U2AF2: variants seen among roughly 807,000 people sequenced by gnomAD.
U2AF2 encodes the protein splicing factor U2AF 65 kDa subunit.
U2AF2 carries 6 observed loss-of-function variants against 52.6 expected under a neutral mutation model. The ratio of observed to expected loss-of-function variants is 0.11; its 90% CI spans 0.06 to 0.23. The LOEUF (loss-of-function observed/expected upper bound fraction) is 0.23, where lower values mean the gene tolerates loss of function less well. Ranked by LOEUF, U2AF2 falls within the 10% of genes least tolerant of loss-of-function variation. U2AF2 has a pLI of 1.00. For synonymous variants in U2AF2, 284 were observed against 258.2 expected (o/e 1.10, Z -0.96); for missense variants, 222 against 677.1 (o/e 0.33, Z 7.46).
At position 55,655,286 on chromosome 19, in the gene U2AF2, C is replaced by T. The variant is rs947537321; in HGVS notation, c.49+133C>T. 1.5e-5 allele frequency: 15 copies of T among 997,642 alleles called. No homozygotes were observed. In the African/African-American group the frequency reaches 2.3e-4, roughly 15 times the overall value. 61.8% of individuals were successfully genotyped at this position (997,642 alleles called of 1,614,324 possible). A position where few individuals can be genotyped will look rare whatever the true frequency, so the allele number is the denominator to read the frequency against. Reference sequence around the variant, plus strand: ...GCCCCCCAACCCTGGTTCCGTGGCGCGCGCCTCGTTCACGTGACGTCCCCA... The same window carrying T: ...GCCCCCCAACCCTGGTTCCGTGGCGTGCGCCTCGTTCACGTGACGTCCCCA... On this transcript the variant is annotated intron_variant, in intron 1 of 11. Coordinates refer to ENST00000308924, the MANE Select transcript of U2AF2 (RefSeq NM_007279.3).
chr19:55,663,540 T>A (rs1174571380), intron 6 of U2AF2, 66 bp from the exon 7 acceptor site: 5 of 1,553,716 alleles, frequency 3.2e-6, no homozygotes, highest in Non-Finnish European at 4.4e-6. Context: ...ATCCCAATCC[T>A]GGAACACTAG....
intron 5 of U2AF2, chr19:55,662,213 C>T (rs1282365384): frequency 6.0e-6 from 2 of 330,668 alleles, no homozygotes; most frequent in East Asian, 1.1e-4. Context: ...CAATCTTCTC[C>T]TTTCCCCTGA....
chr19:55,655,824 G>C (rs1232453267), intron 1 of U2AF2, among the ~76,000 whole-genome samples: 2 of 152,224 alleles, frequency 1.3e-5, no homozygotes, highest in Non-Finnish European at 2.9e-5. Context: ...AAAAGCATCT[G>C]CATTCTTTGA....
chr19:55,661,445 A>C (rs1440484604), intron 5 of U2AF2: 1 of 464,726 alleles, frequency 2.2e-6, no homozygotes, highest in Non-Finnish European at 3.8e-6. Flanking sequence ...GCACACACAT[A>C]ATGTACCCAC....
intron 6 of U2AF2, among the ~76,000 whole-genome samples, chr19:55,663,095 C>T (rs899191128): frequency 6.6e-6 from 1 of 152,124 alleles, no homozygotes; most frequent in Non-Finnish European, 1.5e-5. Flanking sequence ...GGACTGATAA[C>T]TCTCATGAAG....
At position 55,660,081 on chromosome 19, in the gene U2AF2, C is replaced by A. The variant is rs1221539976; in HGVS notation, c.186-96C>A. ...TGCTTGTTGACCTCGGCCCTGCTCC[C>A]ACCCTGGGGCTCAGTGCCCTTGGGG... On this transcript the variant is annotated intron_variant, in intron 2 of 11. Transcript: ENST00000308924. The A allele has an allele frequency of 3.2e-6, 4 of 1,252,358 alleles. No homozygotes were observed. The African/African-American group carries it at 4.5e-5, about 14-fold the overall frequency. 77.6% of individuals were successfully genotyped at this position (1,252,358 alleles called of 1,614,324 possible).
chr19:55,660,717 G>A, intron 4 of U2AF2, 98 bp downstream of exon 4: 1 of 1,204,826 alleles, frequency 8.3e-7, no homozygotes, highest in Non-Finnish European at 1.2e-6. Context: ...GGGGGTCAAA[G>A]ACACAGGTAG....
intron 1 of U2AF2, among the ~76,000 whole-genome samples, chr19:55,656,454 C>G (rs1291329226): frequency 2.0e-5 from 3 of 152,170 alleles, no homozygotes; most frequent in Admixed American, 2.0e-4. Flanking sequence ...AGTTTAGATA[C>G]CTGCTTTGTC....
intron 10 of U2AF2, 78 bp downstream of exon 10, chr19:55,669,259 TTCTC>T: frequency 6.4e-7 from 1 of 1,570,622 alleles, no homozygotes. Context: ...TTCCTGATCT[TTCTC>T]CCAGCTTTCA....
chr19:55,668,235 C>T lies in U2AF2; in HGVS notation c.743-272C>T, dbSNP rs578036853. On this transcript the variant is annotated intron_variant, in intron 7 of 11. Coordinates refer to ENST00000308924, the MANE Select transcript of U2AF2 (RefSeq NM_007279.3). This position sits in a 1 kb window ranked among gnomAD's most constrained non-coding sequence, Gnocchi z 5.5. ...GGGTGTGAACTTTGTGCCTTTGGAG[C>T]GTTCTGGAGGATGTTCTAGTTTGAG... Among the ~76,000 whole-genome samples the T allele has an allele frequency of 1.3e-5, 2 of 152,158 alleles. No individual in the cohort carries two copies. The highest frequency in any genetic ancestry group is 3.9e-4 in the East Asian group (2 of 5,158).
chr19:55,667,525 A>G (rs1984619819), intron 7 of U2AF2, among the ~76,000 whole-genome samples: 1 of 152,120 alleles, frequency 6.6e-6, no homozygotes, highest in Non-Finnish European at 1.5e-5. Context: ...AGTTCAGTGG[A>G]TAGGGCAGGA....
intron 5 of U2AF2, chr19:55,661,413 C>T: frequency 2.0e-6 from 1 of 501,364 alleles, no homozygotes; most frequent in Non-Finnish European, 3.5e-6. Flanking sequence ...CCCCCAACCT[C>T]CTCCAGCAAC....
At chr19:55,671,190 G>C (rs1984897298) in intron 11 of U2AF2, among the ~76,000 whole-genome samples, 1 of 152,140 alleles carries the variant, frequency 6.6e-6, no homozygotes, top group South Asian at 2.1e-4. Context: ...GTGAAAGATG[G>C]TGATCTGATT....
chr19:55,664,871 C>T (rs1258009956), intron 7 of U2AF2, among the ~76,000 whole-genome samples: 1 of 152,144 alleles, frequency 6.6e-6, no homozygotes, highest in Non-Finnish European at 1.5e-5. Context: ...GCACCTGCCA[C>T]CATGTCTGGC....
chr19:55,662,939 T>C (rs1162818534), intron 6 of U2AF2, among the ~76,000 whole-genome samples: 1 of 152,140 alleles, frequency 6.6e-6, no homozygotes, highest in Non-Finnish European at 1.5e-5. Flanking sequence ...TCCTGCCTGC[T>C]TGGCTAGAGT....
Position 55,674,043 on chromosome 19 carries a change from C to G in U2AF2, c.1403C>G (p.Ser468Cys), listed in dbSNP as rs1002229523. 2.1e-6 allele frequency: 3 copies of G among 1,421,442 alleles called. No homozygotes were observed. Among genetic ancestry groups the G allele is most frequent in the Non-Finnish European group, 2.8e-6 (3 of 1,058,322 alleles). The allele number at this position is 1,421,442 out of a possible 1,614,324, so 88.1% of individuals were successfully genotyped here. ...VVVTKYCDPD[S>C]YHRRDFW ...GTCACAAAATACTGTGACCCCGACT[C>G]TTATCACCGCCGGGACTTCTGGTAG... is the stretch of plus-strand genomic sequence containing the variant. The change falls in exon 12 of 12, where the codon TCT (serine) becomes TGT (cysteine). Residue 468 changes from serine (S) to cysteine (C), a missense_variant. Physicochemically the swap from Ser to Cys is moderately radical, Grantham distance 112. Transcript: ENST00000308924.
At position 55,674,479 on chromosome 19, in the gene U2AF2, TTTG is replaced by T. The variant is rs1183427367; in HGVS notation, c.*416_*418del. On this transcript the variant is annotated 3_prime_UTR_variant, in exon 12 of 12. Transcript: ENST00000308924. The stretch of plus-strand genomic sequence containing the variant: ...ATTTTATGGCCAAACTATTTTGAAT[TTTG>T]TTGTCCGGCCCTCAGTGCCCTGCCC... 6.0e-6 allele frequency: 1 copy of T among 167,022 alleles called. No homozygotes were observed. Among genetic ancestry groups the T allele is most frequent in the Non-Finnish European group, 1.3e-5 (1 of 75,600 alleles). 10.3% of individuals were successfully genotyped at this position (167,022 alleles called of 1,614,324 possible).
rs1181709093 is a variant in U2AF2, at chr19:55,655,273, T to C, written c.49+120T>C. ...ACGGCCGCGCGGCGCCCCCCAACCC[T>C]GGTTCCGTGGCGCGCGCCTCGTTCA... On this transcript the variant is annotated intron_variant, in intron 1 of 11. Transcript: ENST00000308924. 3 of 1,079,388 alleles carry C rather than the reference T, an allele frequency of 2.8e-6. No homozygotes were observed. The African/African-American group carries it at 5.1e-5, about 18-fold the overall frequency. The allele number at this position is 1,079,388 out of a possible 1,614,324, so 66.9% of individuals were successfully genotyped here.
intron 7 of U2AF2, among the ~76,000 whole-genome samples, chr19:55,667,188 G>A (rs1284897643): frequency 6.6e-6 from 1 of 152,162 alleles, no homozygotes; most frequent in South Asian, 2.1e-4. Context: ...GCTTGAGTGA[G>A]TAGGTGGGAG....
Sources: gnomAD v4.1 joint callset for allele counts (sites outside exome capture counted in the v4.1 genomes callset) on GRCh38, gnomAD v4.1.1 for gene constraint, Gnocchi (gnomAD v3.1) non-coding constraint, MANE v1.5 for transcripts, NCBI Gene and HGNC (gene_info 2026-07-23, HGNC 2026-07-21) for gene names.